The following RGS7 variants were observed in gnomAD, a reference collection of about 807,000 sequenced individuals.
The protein encoded by RGS7 is regulator of G protein signaling 7.
In RGS7, 27 loss-of-function variants were observed where a neutral mutation model predicts 81.1. That is an observed-to-expected ratio of 0.33 (90% CI 0.25 to 0.46). The LOEUF is 0.46. Ranked by LOEUF, RGS7 falls within the 20% of genes least tolerant of loss-of-function variation. The pLI is 1.00. For missense variants in RGS7, 396 were observed against 607.4 expected, an observed-to-expected ratio of 0.65 and a Z score of 3.66; for synonymous variants, 208 against 207.7, an observed-to-expected ratio of 1.00 and a Z score of -0.01.
chr1:240,967,505 C>T (rs1297402370), intron 4 of RGS7, among the ~76,000 whole-genome samples: 1 of 148,786 alleles, frequency 6.7e-6, no homozygotes, highest in Non-Finnish European at 1.5e-5. Flanking sequence ...GTGGTACAGG[C>T]TGCGTAATAC....
intron 4 of RGS7, among the ~76,000 whole-genome samples, chr1:240,957,877 G>A (rs149969361): frequency 6.6e-6 from 1 of 152,268 alleles, no homozygotes; most frequent in African/African-American, 2.4e-5. Flanking sequence ...TCACTCTACT[G>A]CATAACCTGT....
At chr1:241,103,966 G>C (rs1461497062) in intron 2 of RGS7, among the ~76,000 whole-genome samples, 1 of 152,208 alleles carries the variant, frequency 6.6e-6, no homozygotes, top group Non-Finnish European at 1.5e-5. Context: ...GCAAGACGTA[G>C]TTATTAAAAG....
chr1:241,111,467 C>T (rs1252520030), intron 2 of RGS7, among the ~76,000 whole-genome samples: 5 of 152,092 alleles, frequency 3.3e-5, no homozygotes, highest in Admixed American at 6.6e-5. Flanking sequence ...TTGTCTGCCC[C>T]GCTTGATATT....
At chr1:241,022,374 C>A (rs868787687) in intron 3 of RGS7, among the ~76,000 whole-genome samples, 18 of 152,170 alleles carry the variant, frequency 1.2e-4, no homozygotes, top group African/African-American at 4.1e-4. Flanking sequence ...CGCAACCAAC[C>A]CTCTTCTTGC....
At chr1:241,284,849 GTCTT>G (rs1335586671) in intron 2 of RGS7, among the ~76,000 whole-genome samples, 2 of 151,920 alleles carry the variant, frequency 1.3e-5, no homozygotes, top group Non-Finnish European at 2.9e-5. Flanking sequence ...AAAAGTTTCT[GTCTT>G]TCTTTGTTTT....
chr1:240,981,396 C>A (rs767347011), intron 4 of RGS7, among the ~76,000 whole-genome samples: 12 of 152,176 alleles, frequency 7.9e-5, no homozygotes, highest in Non-Finnish European at 1.8e-4. Flanking sequence ...AGGCATGAGT[C>A]ACCGCGCCTG....
At chr1:240,913,720 G>C (rs187829883) in intron 6 of RGS7, among the ~76,000 whole-genome samples, 1 of 152,068 alleles carries the variant, frequency 6.6e-6, no homozygotes, top group East Asian at 1.9e-4. Context: ...GGCTGAATCA[G>C]TGGATATTTT....
intron 6 of RGS7, among the ~76,000 whole-genome samples, chr1:240,916,109 C>CA (rs60839025): frequency 0.17 from 11,742 of 70,842 alleles, 633 homozygotes; most frequent in African/African-American, 0.18. Context: ...CTAAAAATAC[C>CA]AAAAAAAAAA....
chr1:240,829,723 G>A (rs976242603), intron 9 of RGS7, among the ~76,000 whole-genome samples: 1 of 152,124 alleles, frequency 6.6e-6, no homozygotes, highest in Non-Finnish European at 1.5e-5. Flanking sequence ...CTTGCTTTGA[G>A]GAGTTTGAGG....
intron 2 of RGS7, among the ~76,000 whole-genome samples, chr1:241,283,248 T>C (rs1573498385): frequency 1.3e-5 from 2 of 152,212 alleles, no homozygotes; most frequent in South Asian, 4.1e-4. Flanking sequence ...TCTTTGCTCC[T>C]TTTTCATGTT....
At chr1:240,831,329 C>A (rs1693801774) in intron 9 of RGS7, among the ~76,000 whole-genome samples, 1 of 152,148 alleles carries the variant, frequency 6.6e-6, no homozygotes, top group Non-Finnish European at 1.5e-5. Context: ...TAATTAAGGT[C>A]ATGACCCAGT....
rs2079791640 is a variant in RGS7, at chr1:241,302,020, G to A, written c.78+53679C>T. ...GGATCAGGAGTTCTGGGCCAGAGCT[G>A]TGGGCAGAATGGGACATTAAATGGG... On this transcript the variant is annotated intron_variant, in intron 2 of 18. Transcript: ENST00000440928. 2.0e-5 allele frequency among the ~76,000 whole-genome samples: 3 copies of A among 152,238 alleles called. No homozygotes were observed. The South Asian group carries it at 6.2e-4, about 31-fold the overall frequency.
intron 14 of RGS7, among the ~76,000 whole-genome samples, chr1:240,806,797 G>A (rs1688931667): frequency 1.3e-5 from 2 of 152,002 alleles, no homozygotes; most frequent in African/African-American, 4.8e-5. Flanking sequence ...TTCTTTGGAT[G>A]TTCTGTCCAT....
At chr1:241,169,336 C>CTTTTTTTTTTTTTT (rs57753661) in intron 2 of RGS7, among the ~76,000 whole-genome samples, 11 of 74,274 alleles carry the variant, frequency 1.5e-4, no homozygotes, top group East Asian at 4.1e-4. Flanking sequence ...ATGTGTGTTT[C>CTTTTTTTTTTTTTT]TTTTTTTTTT....
intron 9 of RGS7, among the ~76,000 whole-genome samples, chr1:240,856,181 C>T (rs530369923): frequency 1.6e-4 from 24 of 152,044 alleles, no homozygotes; most frequent in Non-Finnish European, 2.6e-4. Flanking sequence ...TGTATTAGCC[C>T]GCTTATTTTG....
chr1:240,923,866 TA>T (rs1673991390), intron 6 of RGS7, among the ~76,000 whole-genome samples: 1 of 152,182 alleles, frequency 6.6e-6, no homozygotes, highest in African/African-American at 2.4e-5. Flanking sequence ...TTTCTAATAT[TA>T]TAGATAATGG....
chr1:240,932,850 A>G (rs1263985362), intron 5 of RGS7, among the ~76,000 whole-genome samples: 2 of 139,498 alleles, frequency 1.4e-5, no homozygotes, highest in Non-Finnish European at 3.1e-5. Context: ...GTTTTATAAG[A>G]GATATATTTC....
At chr1:241,323,368 G>C (rs1558316028) in intron 2 of RGS7, among the ~76,000 whole-genome samples, 1 of 152,236 alleles carries the variant, frequency 6.6e-6, no homozygotes, top group Non-Finnish European at 1.5e-5. Flanking sequence ...AGAGGCGCCT[G>C]TCAGCGCCTG....
chr1:241,327,527 T>A (rs1165491352), intron 2 of RGS7, among the ~76,000 whole-genome samples: 1 of 152,194 alleles, frequency 6.6e-6, no homozygotes, highest in Admixed American at 6.5e-5. Flanking sequence ...TTGAGCTCCA[T>A]CATGTGTCAT....
Sources: gnomAD v4.1 joint callset for allele counts (sites outside exome capture counted in the v4.1 genomes callset) on GRCh38, gnomAD v4.1.1 for gene constraint, MANE v1.5 for transcripts, NCBI Gene and HGNC (gene_info 2026-07-23, HGNC 2026-07-21) for gene names.